Variants in LNPK observed in about 807,000 individuals in gnomAD.
LNPK encodes endoplasmic reticulum junction formation protein lunapark.
LNPK carries 29 observed loss-of-function variants against 55.2 expected under a neutral mutation model. The observed-to-expected ratio is 0.53, with a 90% confidence interval of 0.39 to 0.72. The LOEUF (loss-of-function observed/expected upper bound fraction) is 0.72, where lower values mean the gene tolerates loss of function less well. Ranked by LOEUF, LNPK falls within the 30% of genes least tolerant of loss-of-function variation. The probability of loss-of-function intolerance (pLI) is 0.00; values close to 1 mark genes in which losing one functional copy is unlikely to be tolerated. For missense variants in LNPK, 467 were observed against 494.8 expected, an observed-to-expected ratio of 0.94 and a Z score of 0.53; for synonymous variants, 162 against 168.2, an observed-to-expected ratio of 0.96 and a Z score of 0.29.
chr2:175,939,732 T>C (rs1238853884), intron 9 of LNPK, 75 bp from the exon 10 acceptor site: 12 of 643,906 alleles, frequency 1.9e-5, no homozygotes, highest in Middle Eastern at 3.4e-4. Flanking sequence ...TACCAAGAAC[T>C]ACCTATACTT....
chr2:175,988,826 T>G lies in LNPK; in HGVS notation c.257+3405A>C, dbSNP rs559183897. On this transcript the variant is annotated intron_variant, in intron 4 of 12. Coordinates refer to ENST00000272748, the MANE Select transcript of LNPK (RefSeq NM_030650.3). Reference sequence around the variant, plus strand: ...TTTGAGTCTGTCGCCCAGGCTGGAGTGCAGTGGCGTGACCTCGGCTCACTG... The same window carrying G: ...TTTGAGTCTGTCGCCCAGGCTGGAGGGCAGTGGCGTGACCTCGGCTCACTG... 1.4e-3 allele frequency among the ~76,000 whole-genome samples: 208 copies of G among 152,270 alleles called. 1 individual carries two copies. Among genetic ancestry groups the G allele is most frequent in the Non-Finnish European group, 2.6e-3 (178 of 67,996 alleles).
intron 5 of LNPK, among the ~76,000 whole-genome samples, chr2:175,975,378 C>T (rs937904018): frequency 2.9e-4 from 44 of 152,146 alleles, no homozygotes; most frequent in Non-Finnish European, 4.4e-5. Context: ...TAACACTTCG[C>T]AATTTTTATA....
intron 12 of LNPK, among the ~76,000 whole-genome samples, chr2:175,935,255 T>C (rs1278136148): frequency 6.6e-6 from 1 of 152,118 alleles, no homozygotes; most frequent in Non-Finnish European, 1.5e-5. Flanking sequence ...TTTAATAATA[T>C]AAGAATTAAA....
intron 6 of LNPK, among the ~76,000 whole-genome samples, chr2:175,966,472 T>G (rs537175871): frequency 9.2e-5 from 14 of 152,242 alleles, no homozygotes; most frequent in South Asian, 2.1e-4. Flanking sequence ...AACTGTGATC[T>G]TTAAAACAAC....
At position 175,940,011 on chromosome 2, in the gene LNPK, T is replaced by C. The variant is rs559797971; in HGVS notation, c.707-354A>G. On this transcript the variant is annotated intron_variant, in intron 9 of 12. Coordinates refer to ENST00000272748, the MANE Select transcript of LNPK (RefSeq NM_030650.3). ...TGATAGTAAATCAGGGGACTTCCAC[T>C]TCAGGCCATAATAGAGCAACAGGAG... 2.6e-5 allele frequency among the ~76,000 whole-genome samples: 4 copies of C among 152,150 alleles called. No homozygotes were observed. The East Asian group carries it at 7.8e-4, about 30-fold the overall frequency.
intron 8 of LNPK, among the ~76,000 whole-genome samples, chr2:175,958,666 C>T (rs748761068): frequency 5.3e-5 from 8 of 152,166 alleles, no homozygotes; most frequent in South Asian, 4.1e-4. Flanking sequence ...CTCTTCTCTT[C>T]CGAAGGATTG....
rs979218988 is a variant in LNPK at position 175,927,690 on chromosome 2, A to G, written c.*2277T>C. 1 of 152,216 alleles carries G rather than the reference A, an allele frequency of 6.6e-6. No homozygotes were observed. The highest frequency in any genetic ancestry group is 2.4e-5 in the African/African-American group (1 of 41,446). The allele number at this position is 152,216 out of a possible 1,614,324, so 9.4% of individuals were successfully genotyped here. ...AAGGAAGCTAAGATCACTGTAGCTA[A>G]TGGTACTTAATAGCTTGGATTTTCT... On this transcript the variant is annotated 3_prime_UTR_variant, in exon 13 of 13. Transcript: ENST00000272748.
intron 4 of LNPK, among the ~76,000 whole-genome samples, chr2:175,988,705 G>C (rs1687552262): frequency 6.6e-6 from 1 of 151,950 alleles, no homozygotes; most frequent in Non-Finnish European, 1.5e-5. Flanking sequence ...TCTTGCTTTT[G>C]TTTTTTGGGG....
In LNPK at chr2:175,929,965, T is replaced by C. The variant is rs751123008; in HGVS notation, c.*2A>G. The C allele has an allele frequency of 1.2e-6, 2 of 1,613,928 alleles. No homozygotes were observed. Among genetic ancestry groups the C allele is most frequent in the South Asian group, 2.2e-5 (2 of 91,060 alleles). Reference sequence around the variant, plus strand: ...CCAGTTGAAGGCACGTGGAAGCATTTACTACTCTGCCGTCAAAGATTCTCC... The same window carrying C: ...CCAGTTGAAGGCACGTGGAAGCATTCACTACTCTGCCGTCAAAGATTCTCC... On this transcript the variant is annotated 3_prime_UTR_variant, in exon 13 of 13. Coordinates refer to ENST00000272748, the MANE Select transcript of LNPK (RefSeq NM_030650.3).
intron 5 of LNPK, among the ~76,000 whole-genome samples, chr2:175,973,624 T>C (rs1295188287): frequency 2.0e-5 from 3 of 152,210 alleles, no homozygotes; most frequent in African/African-American, 7.2e-5. Flanking sequence ...TTTTCTAAAC[T>C]TCACTGAAAA....
intron 5 of LNPK, among the ~76,000 whole-genome samples, chr2:175,976,340 T>A (rs923422246): frequency 3.9e-5 from 6 of 152,200 alleles, no homozygotes; most frequent in Non-Finnish European, 8.8e-5. Flanking sequence ...AGATTCAAGA[T>A]AATTTTGGAG....
chr2:175,962,729 C>G (rs1686108333), intron 8 of LNPK, among the ~76,000 whole-genome samples: 1 of 152,190 alleles, frequency 6.6e-6, no homozygotes, highest in South Asian at 2.1e-4. Context: ...TAAAGAGCTT[C>G]TGCACAGCAG....
At chr2:175,949,707 T>C (rs1685310327) in intron 8 of LNPK, among the ~76,000 whole-genome samples, 1 of 152,016 alleles carries the variant, frequency 6.6e-6, no homozygotes, top group Non-Finnish European at 1.5e-5. Flanking sequence ...AGATGTACCT[T>C]AATAATTCTA....
chr2:175,926,199 C>G lies in LNPK; in HGVS notation c.*3768G>C, dbSNP rs1684000842. 6.6e-6 allele frequency: 1 copy of G among 152,214 alleles called. No homozygotes were observed. Among genetic ancestry groups the G allele is most frequent in the Non-Finnish European group, 1.5e-5 (1 of 68,044 alleles). 9.4% of individuals were successfully genotyped at this position (152,214 alleles called of 1,614,324 possible). On this transcript the variant is annotated 3_prime_UTR_variant, in exon 13 of 13. Transcript: ENST00000272748. ...AGGTATACAATTTTAAGCAAAGTTG[C>G]TTCCTGCTATGGTTTGAATGCTACA...
intron 9 of LNPK, chr2:175,940,907 C>A: frequency 2.2e-6 from 1 of 446,088 alleles, no homozygotes; most frequent in Non-Finnish European, 4.5e-6. Flanking sequence ...AGTTTAGACA[C>A]TGCACACAAA....
At chr2:175,991,386 T>C (rs1039657096) in intron 4 of LNPK, among the ~76,000 whole-genome samples, 18 of 152,186 alleles carry the variant, frequency 1.2e-4, no homozygotes, top group Non-Finnish European at 2.2e-4. Flanking sequence ...TATTTTGCAA[T>C]ATTATGAAAG....
At chr2:175,936,998 C>T (rs1012867639) in intron 12 of LNPK, among the ~76,000 whole-genome samples, 1 of 152,084 alleles carries the variant, frequency 6.6e-6, no homozygotes, top group Admixed American at 6.5e-5. Flanking sequence ...ATCCTTTGAA[C>T]AGTTGTTTCA....
chr2:175,994,725 T>C (rs570850868), intron 2 of LNPK, among the ~76,000 whole-genome samples: 4 of 151,746 alleles, frequency 2.6e-5, no homozygotes, highest in African/African-American at 4.8e-5. Flanking sequence ...ATATAATTTA[T>C]ACAATTCATA....
At chr2:175,937,927 A>G (rs1363616061) in intron 11 of LNPK, 1 of 177,770 alleles carries the variant, frequency 5.6e-6, no homozygotes, top group East Asian at 1.5e-4. Context: ...AGCATTTTCA[A>G]TTTACCACAG....
Sources: allele counts gnomAD v4.1 joint callset (sites outside exome capture counted in the v4.1 genomes callset), GRCh38; gene constraint gnomAD v4.1.1; transcripts MANE v1.5; gene names NCBI Gene and HGNC (gene_info 2026-07-23, HGNC 2026-07-21).